The following TAFA1 variants were observed in gnomAD, a reference collection of about 807,000 sequenced individuals.
TAFA1 encodes the protein TAFA chemokine like family member 1, also known as chemokine-like protein TAFA-1.
Under a neutral mutation model 18.5 loss-of-function variants are expected in TAFA1, and 4 were observed. The observed-to-expected ratio is 0.22, with a 90% CI of 0.11 to 0.49. The LOEUF is 0.49. TAFA1 is among the 20% of genes least tolerant of loss of function. The pLI is 0.98. For synonymous variants in TAFA1, 56 were observed against 55.2 expected (o/e 1.01, Z -0.06); for missense variants, 147 against 169.0 (o/e 0.87, Z 0.72).
At chr3:68,500,995 T>C (rs1224293119) in intron 3 of TAFA1, among the ~76,000 whole-genome samples, 3 of 150,662 alleles carry the variant, frequency 2.0e-5, no homozygotes, top group African/African-American at 4.9e-5. Flanking sequence ...CTACTAAAAA[T>C]ACAAAAAAAA....
chr3:68,161,531 C>G (rs754982731), intron 2 of TAFA1, among the ~76,000 whole-genome samples: 6 of 152,170 alleles, frequency 3.9e-5, no homozygotes, highest in Non-Finnish European at 5.9e-5. Context: ...TATAATATTT[C>G]TATCACTTGT....
intron 3 of TAFA1, among the ~76,000 whole-genome samples, chr3:68,512,876 A>AC (rs1223339400): frequency 6.6e-6 from 1 of 152,132 alleles, no homozygotes; most frequent in Non-Finnish European, 1.5e-5. Context: ...CTCTTTAGAA[A>AC]AAAATTCACC....
intron 2 of TAFA1, among the ~76,000 whole-genome samples, chr3:68,157,451 C>T (rs2065878694): frequency 1.3e-5 from 2 of 152,142 alleles, no homozygotes; most frequent in African/African-American, 4.8e-5. Context: ...GGAGAAAAAG[C>T]CTTGCCTTTC....
At chr3:68,071,430 T>C (rs1275283034) in intron 2 of TAFA1, among the ~76,000 whole-genome samples, 1 of 151,850 alleles carries the variant, frequency 6.6e-6, no homozygotes, top group Non-Finnish European at 1.5e-5. Context: ...CAAGATGAGA[T>C]TTGGGTGGGG....
At chr3:68,346,586 C>T (rs904297545) in intron 2 of TAFA1, among the ~76,000 whole-genome samples, 10 of 152,150 alleles carry the variant, frequency 6.6e-5, no homozygotes, top group Admixed American at 2.0e-4. Context: ...TAACTCATGG[C>T]CTTTATGGTG....
intron 2 of TAFA1, among the ~76,000 whole-genome samples, chr3:68,314,759 C>T (rs1261217603): frequency 6.6e-6 from 1 of 151,944 alleles, no homozygotes; most frequent in Non-Finnish European, 1.5e-5. Context: ...CCAGCTTCCC[C>T]ATCTTAATGA....
At chr3:68,483,060 C>T (rs1366979964) in intron 3 of TAFA1, among the ~76,000 whole-genome samples, 1 of 152,078 alleles carries the variant, frequency 6.6e-6, no homozygotes, top group Non-Finnish European at 1.5e-5. Flanking sequence ...ATATTCCCAA[C>T]TAAGGAATCA....
intron 2 of TAFA1, among the ~76,000 whole-genome samples, chr3:68,062,500 T>G (rs773774390): frequency 1.2e-4 from 18 of 152,112 alleles, no homozygotes; most frequent in African/African-American, 2.2e-4. Flanking sequence ...ACCAAACAAA[T>G]AAACAGCAAG....
chr3:68,047,456 G>A (rs1575590318), intron 2 of TAFA1, among the ~76,000 whole-genome samples: 1 of 152,154 alleles, frequency 6.6e-6, no homozygotes, highest in Non-Finnish European at 1.5e-5. Flanking sequence ...TATATGGGTA[G>A]CAGCCACTTT....
At chr3:68,381,654 C>T (rs1294261440) in intron 2 of TAFA1, among the ~76,000 whole-genome samples, 1 of 152,180 alleles carries the variant, frequency 6.6e-6, no homozygotes, top group Non-Finnish European at 1.5e-5. Flanking sequence ...TGCTTATCAG[C>T]TTAAGGAGAT....
At chr3:68,395,872 T>C (rs937720989) in intron 2 of TAFA1, among the ~76,000 whole-genome samples, 2 of 151,352 alleles carry the variant, frequency 1.3e-5, no homozygotes, top group East Asian at 2.0e-4. Flanking sequence ...GGTTGATGGG[T>C]GCAGCAAACC....
At chr3:68,095,589 T>C (rs2065078779) in intron 2 of TAFA1, among the ~76,000 whole-genome samples, 1 of 152,152 alleles carries the variant, frequency 6.6e-6, no homozygotes, top group Non-Finnish European at 1.5e-5. Flanking sequence ...CTTCCCAAAA[T>C]ATGGGCTGAG....
At chr3:68,167,604 G>GA (rs2066000284) in intron 2 of TAFA1, among the ~76,000 whole-genome samples, 1 of 148,270 alleles carries the variant, frequency 6.7e-6, no homozygotes, top group Non-Finnish European at 1.5e-5. Flanking sequence ...AACAGAAGAA[G>GA]AAAAAAGTTA....
rs551237056 is a variant in TAFA1, at chr3:68,228,214, A to G, written c.119-189066A>G. On this transcript the variant is annotated intron_variant, in intron 2 of 4. Transcript: ENST00000478136. ...GGCATATTGTAAGCCCTCTATAAAT[A>G]CTGTTCTTTTTCCTAATTTTTATAT... Among the ~76,000 whole-genome samples the G allele has an allele frequency of 2.0e-5, 3 of 152,274 alleles. No individual in the cohort carries two copies. The East Asian group carries it at 5.8e-4, about 29-fold the overall frequency.
chr3:68,445,340 T>C (rs1307689028), intron 3 of TAFA1, among the ~76,000 whole-genome samples: 1 of 152,132 alleles, frequency 6.6e-6, no homozygotes, highest in African/African-American at 2.4e-5. Context: ...TGATCCAAAT[T>C]TGTGTAGTGG....
intron 2 of TAFA1, among the ~76,000 whole-genome samples, chr3:68,305,963 A>G: frequency 6.6e-6 from 1 of 152,220 alleles, no homozygotes; most frequent in Non-Finnish European, 1.5e-5. Context: ...TTGTATGGTG[A>G]GGCATAGATT....
intron 3 of TAFA1, among the ~76,000 whole-genome samples, chr3:68,466,795 C>A (rs1457350168): frequency 6.6e-6 from 1 of 152,172 alleles, no homozygotes; most frequent in Non-Finnish European, 1.5e-5. Context: ...AACGTAGGTT[C>A]TTTTCTATTT....
chr3:68,038,053 A>G (rs746667883), intron 2 of TAFA1, among the ~76,000 whole-genome samples: 3 of 152,210 alleles, frequency 2.0e-5, no homozygotes, highest in Non-Finnish European at 4.4e-5. Flanking sequence ...TGATTGTACC[A>G]TTAACAGACC....
At chr3:68,321,002 T>C (rs2068690421) in intron 2 of TAFA1, among the ~76,000 whole-genome samples, 1 of 152,094 alleles carries the variant, frequency 6.6e-6, no homozygotes, top group Admixed American at 6.6e-5. Flanking sequence ...TCATATACAT[T>C]GGGGGCCACA....
Sources: allele counts gnomAD v4.1 joint callset (sites outside exome capture counted in the v4.1 genomes callset), GRCh38; gene constraint gnomAD v4.1.1; transcripts MANE v1.5; gene names NCBI Gene and HGNC (gene_info 2026-07-23, HGNC 2026-07-21).